Variants in APOBEC3F observed in about 807,000 individuals in gnomAD.
APOBEC3F encodes the protein DNA dC->dU-editing enzyme APOBEC-3F.
In APOBEC3F, 34 loss-of-function variants were observed where a neutral mutation model predicts 45.8. That is an observed-to-expected ratio of 0.74 (90% CI 0.57 to 0.99). The LOEUF is 0.99. Among genes scored for constraint, APOBEC3F ranks in the 50% least tolerant of loss-of-function variants. The pLI is 0.00. For synonymous variants in APOBEC3F, 192 were observed against 174.4 expected, an observed-to-expected ratio of 1.10 and a Z score of -0.80; for missense variants, 459 against 474.1, an observed-to-expected ratio of 0.97 and a Z score of 0.30.
At chr22:39,050,867 G>T (rs948578776) in intron 5 of APOBEC3F, among the ~76,000 whole-genome samples, 3 of 152,166 alleles carry the variant, frequency 2.0e-5, no homozygotes, top group African/African-American at 4.8e-5. Context: ...GAGGATGCCC[G>T]GTTAACGGAT....
chr22:39,052,933 C>T lies in APOBEC3F; in HGVS notation c.*238C>T. 2 of 924,104 alleles carry T rather than the reference C, an allele frequency of 2.2e-6. No individual in the cohort carries two copies. The highest frequency in any genetic ancestry group is 2.9e-6 in the Non-Finnish European group (2 of 690,734). 57.2% of individuals were successfully genotyped at this position (924,104 alleles called of 1,614,324 possible). On this transcript the variant is annotated 3_prime_UTR_variant, in exon 7 of 7. Coordinates refer to ENST00000308521, the MANE Select transcript of APOBEC3F (RefSeq NM_145298.6). ...CCATCCACCCACCAAGACCCTGTTC[C>T]CTGAGCCTGCATGCCCCTAACCTGC...
In APOBEC3F at chr22:39,054,882, A is replaced by T. The variant is rs1164755760; in HGVS notation, c.*2187A>T. Among the ~76,000 whole-genome samples the T allele has an allele frequency of 2.6e-5, 4 of 152,172 alleles. No individual in the cohort carries two copies. The highest frequency in any genetic ancestry group is 5.9e-5 in the Non-Finnish European group (4 of 68,024). On this transcript the variant is annotated 3_prime_UTR_variant, in exon 7 of 7. Coordinates refer to ENST00000308521, the MANE Select transcript of APOBEC3F (RefSeq NM_145298.6). ...TGCCCTGGGCCAGGTGCCCACATGAATAATGCGGGCCACAGGCAGGCATTT... is the reference window on the plus strand; with the variant it reads ...TGCCCTGGGCCAGGTGCCCACATGATTAATGCGGGCCACAGGCAGGCATTT...
intron 4 of APOBEC3F, among the ~76,000 whole-genome samples, chr22:39,046,385 T>C (rs1475269873): frequency 6.6e-6 from 1 of 152,126 alleles, no homozygotes; most frequent in African/African-American, 2.4e-5. Context: ...GCGTGGGGCA[T>C]GCAGGGGTCC....
Position 39,052,820 on chromosome 22 carries a change from C to A in APOBEC3F, c.*125C>A, listed in dbSNP as rs1477110601. The A allele has an allele frequency of 2.0e-6, 3 of 1,498,966 alleles. No individual in the cohort carries two copies. Among genetic ancestry groups the A allele is most frequent in the African/African-American group, 2.8e-5 (2 of 71,406 alleles). The allele number at this position is 1,498,966 out of a possible 1,614,324, so 92.9% of individuals were successfully genotyped here. A position where few individuals can be genotyped will look rare whatever the true frequency, so the allele number is the denominator to read the frequency against. On this transcript the variant is annotated 3_prime_UTR_variant, in exon 7 of 7. Transcript: ENST00000308521. The stretch of plus-strand genomic sequence containing the variant: ...TCCTGAGCCCCTCCTGGCCTCAGGG[C>A]CATTCCATAGTGCTCCCCTGCCTCA...
intron 5 of APOBEC3F, 136 bp from the exon 6 acceptor site, chr22:39,051,938 G>GA: frequency 7.4e-7 from 1 of 1,346,122 alleles, no homozygotes; most frequent in East Asian, 2.3e-5. Context: ...CTGGGCAACA[G>GA]GAGAGACCCT....
intron 5 of APOBEC3F, among the ~76,000 whole-genome samples, chr22:39,051,764 C>T (rs34062837): frequency 0.011 from 1,742 of 151,696 alleles, 37 homozygotes; most frequent in African/African-American, 0.04. Flanking sequence ...TCAGCCTGAG[C>T]AACATGGTGA....
rs562920885 is a variant in APOBEC3F, at chr22:39,049,258, G to T, written c.567-167G>T. On this transcript the variant is annotated intron_variant, in intron 4 of 6. Transcript: ENST00000308521. Reference sequence around the variant, plus strand: ...GTTCCAGCTGGGAGAGGTCACCCCGGCCCTTCTGCCCCTGCCAGCATCCCC... The same window carrying T: ...GTTCCAGCTGGGAGAGGTCACCCCGTCCCTTCTGCCCCTGCCAGCATCCCC... Among the ~76,000 whole-genome samples the T allele has an allele frequency of 6.6e-5, 10 of 152,236 alleles. No individual in the cohort carries two copies. In the East Asian group the frequency reaches 1.5e-3, roughly 23 times the overall value.
intron 1 of APOBEC3F, among the ~76,000 whole-genome samples, chr22:39,042,681 G>A (rs1045011379): frequency 1.3e-5 from 2 of 152,130 alleles, no homozygotes; most frequent in Non-Finnish European, 2.9e-5. Context: ...TGGGAAGGTG[G>A]GGAATGTACT....
rs768337783 is a variant in APOBEC3F, at chr22:39,045,126, C to T, written c.357C>T (p.Ala119=). The T allele has an allele frequency of 8.1e-6, 13 of 1,613,958 alleles. No homozygotes were observed. The highest frequency in any genetic ancestry group is 4.0e-5 in the African/African-American group (3 of 74,908). The change falls in exon 3 of 7, where the codon GCC becomes GCT. Residue 119 remains alanine, a synonymous_variant. Coordinates refer to ENST00000308521, the MANE Select transcript of APOBEC3F (RefSeq NM_145298.6). The part of the protein sequence containing the change: ...EHPNVTLTIS[A]ARLYYYWERD... The stretch of plus-strand genomic sequence containing the variant: ...CCAATGTCACCCTGACCATCTCCGC[C>T]GCCCGCCTCTACTACTACTGGGAAA...
rs969945514 is a variant in APOBEC3F at position 39,055,877 on chromosome 22, C to G, written c.*3182C>G. On this transcript the variant is annotated 3_prime_UTR_variant, in exon 7 of 7. Coordinates refer to ENST00000308521, the MANE Select transcript of APOBEC3F (RefSeq NM_145298.6). ...CACGTGGACCCCTTAGAATTGTAAGCCCTTAAAAGGGCCAGGGACTTCTTC... is the reference window on the plus strand; with the variant it reads ...CACGTGGACCCCTTAGAATTGTAAGGCCTTAAAAGGGCCAGGGACTTCTTC... Among the ~76,000 whole-genome samples the G allele has an allele frequency of 6.6e-6, 1 of 152,140 alleles. No individual in the cohort carries two copies. The highest frequency in any genetic ancestry group is 1.5e-5 in the Non-Finnish European group (1 of 68,026).
rs569281754 is a variant in APOBEC3F at position 39,053,981 on chromosome 22, C to G, written c.*1286C>G. 1 of 152,246 alleles carries G rather than the reference C, an allele frequency of 6.6e-6. No homozygotes were observed. The allele number at this position is 152,246 out of a possible 1,614,324, so 9.4% of individuals were successfully genotyped here. ...CCCAACCCTTCCTAGTGCCCATGGG[C>G]TTTCCCATAGGACAAGAGAACATTT... On this transcript the variant is annotated 3_prime_UTR_variant, in exon 7 of 7. Coordinates refer to ENST00000308521, the MANE Select transcript of APOBEC3F (RefSeq NM_145298.6).
At position 39,055,528 on chromosome 22, in the gene APOBEC3F, TC is replaced by T. The variant is rs1489352446; in HGVS notation, c.*2834del. On this transcript the variant is annotated 3_prime_UTR_variant, in exon 7 of 7. Coordinates refer to ENST00000308521, the MANE Select transcript of APOBEC3F (RefSeq NM_145298.6). ...GGATTACAGATGCCCAGAACCAATC[TC>T]TGCTAATTTTTCTATTTTTTAGTAG... 5.3e-5 allele frequency among the ~76,000 whole-genome samples: 8 copies of T among 152,222 alleles called. No homozygotes were observed. In the East Asian group the frequency reaches 1.2e-3, roughly 22 times the overall value.
chr22:39,042,773 T>C (rs1261654425), intron 1 of APOBEC3F, among the ~76,000 whole-genome samples, 164 bp from the exon 2 acceptor site: 2 of 152,012 alleles, frequency 1.3e-5, no homozygotes, highest in Admixed American at 6.5e-5. Context: ...CTTTTCTTGC[T>C]CTCTCCCCGG....
chr22:39,049,353 G>C (rs1392233155), intron 4 of APOBEC3F, 72 bp from the exon 5 acceptor site: 2 of 1,532,210 alleles, frequency 1.3e-6, no homozygotes, highest in African/African-American at 2.7e-5. Context: ...CCAGTGAGTG[G>C]TGTTCAGTGG....
At chr22:39,043,697 T>C (rs1215350491) in intron 2 of APOBEC3F, among the ~76,000 whole-genome samples, 2 of 152,066 alleles carry the variant, frequency 1.3e-5, no homozygotes, top group Non-Finnish European at 2.9e-5. Flanking sequence ...ATGAAGTTTC[T>C]TTTTGTCACA....
At chr22:39,046,451 C>T (rs570416154) in intron 4 of APOBEC3F, among the ~76,000 whole-genome samples, 193 of 152,148 alleles carry the variant, frequency 1.3e-3, no homozygotes, top group Middle Eastern at 3.4e-3. Context: ...ACAGCCCCTC[C>T]CTCCAGACCT....
intron 4 of APOBEC3F, among the ~76,000 whole-genome samples, chr22:39,046,960 G>A (rs774497420): frequency 1.3e-5 from 2 of 152,092 alleles, no homozygotes; most frequent in Non-Finnish European, 2.9e-5. Flanking sequence ...TAAGGCCCTC[G>A]GGAGAGACGG....
intron 4 of APOBEC3F, among the ~76,000 whole-genome samples, chr22:39,048,846 G>A (rs1350971111): frequency 2.0e-5 from 3 of 151,994 alleles, no homozygotes; most frequent in Non-Finnish European, 4.4e-5. Context: ...TCAGCCGGAC[G>A]TGGTGACACA....
At chr22:39,049,697 T>TTA in intron 5 of APOBEC3F, 116 bp downstream of exon 5, 10 of 1,216,444 alleles carry the variant, frequency 8.2e-6, no homozygotes, top group Non-Finnish European at 1.1e-5. Flanking sequence ...CCTCTTACAT[T>TTA]TCTTTTTTTT....
Sources: allele counts gnomAD v4.1 joint callset (sites outside exome capture counted in the v4.1 genomes callset), GRCh38; gene constraint gnomAD v4.1.1; transcripts MANE v1.5; gene names NCBI Gene and HGNC (gene_info 2026-07-23, HGNC 2026-07-21).